The following CDH10 variants were observed in gnomAD, a reference collection of about 807,000 sequenced individuals.
The protein encoded by CDH10 is cadherin 10, also known as cadherin-10.
Under a neutral mutation model 73.1 loss-of-function variants are expected in CDH10, and 30 were observed. That is an observed-to-expected ratio of 0.41 (90% CI 0.31 to 0.56). The LOEUF is 0.56. CDH10 is among the 20% of genes least tolerant of loss of function. CDH10 has a pLI of 0.27. For synonymous variants in CDH10, 345 were observed against 348.2 expected (o/e 0.99, Z 0.10); for missense variants, 815 against 973.7 (o/e 0.84, Z 2.17).
chr5:24,513,842 T>G (rs950160804), intron 5 of CDH10, among the ~76,000 whole-genome samples: 5 of 152,158 alleles, frequency 3.3e-5, no homozygotes, highest in African/African-American at 1.2e-4. Flanking sequence ...GTTCTCTTCC[T>G]TCAGTTGTCT....
chr5:24,586,385 C>T (rs991988907), intron 2 of CDH10, among the ~76,000 whole-genome samples: 1 of 150,134 alleles, frequency 6.7e-6, no homozygotes, highest in Admixed American at 6.6e-5. Flanking sequence ...TGCTGCTCCC[C>T]TCTCAATTTT....
intron 11 of CDH10, 82 bp from the exon 12 acceptor site, chr5:24,488,235 A>C: frequency 8.5e-7 from 1 of 1,176,862 alleles, no homozygotes; most frequent in Non-Finnish European, 1.2e-6. Context: ...AAAGAGTTTA[A>C]GTTACTCAGG....
chr5:24,593,286 C>T lies in CDH10; in HGVS notation c.205G>A (p.Gly69Arg), dbSNP rs2112092284. The change falls in exon 2 of 12, where the codon GGA (glycine) becomes AGA (arginine). Residue 69 changes from glycine to arginine, a missense_variant. Around this residue, in one of 3 missense-constraint regions of CDH10, gnomAD observed 58 missense variants for 96.7 expected, o/e 0.60. Coordinates refer to ENST00000264463, the MANE Select transcript of CDH10 (RefSeq NM_006727.5). ...TTGCCTACGTACTGATAATCAGATC[C>T]TGTATATTCTTCAAGTAAGAAAAAT... ...NQFFLLEEYT[G>R]SDYQYVGKLH... 6.2e-7 allele frequency: 1 copy of T among 1,606,226 alleles called. No individual in the cohort carries two copies. The highest frequency in any genetic ancestry group is 1.1e-5 in the South Asian group (1 of 90,916).
intron 1 of CDH10, among the ~76,000 whole-genome samples, chr5:24,634,145 T>C (rs532369087): frequency 9.2e-5 from 14 of 151,850 alleles, no homozygotes; most frequent in Non-Finnish European, 1.6e-4. Flanking sequence ...ATTTGAAGGA[T>C]TTTGAAAAGA....
chr5:24,598,417 C>T (rs1029294715), intron 1 of CDH10, among the ~76,000 whole-genome samples: 4 of 151,682 alleles, frequency 2.6e-5, no homozygotes, highest in African/African-American at 9.7e-5. Flanking sequence ...TTATGTCGTC[C>T]ATGCAAAGCT....
rs112147354 is a variant in CDH10 at position 24,571,161 on chromosome 5, A to G, written c.231+22099T>C. Among the ~76,000 whole-genome samples the G allele has an allele frequency of 1.2e-3, 190 of 152,288 alleles. 1 individual carries two copies. Among genetic ancestry groups the G allele is most frequent in the African/African-American group, 4.1e-3 (172 of 41,534 alleles). Reference sequence around the variant, plus strand: ...TTTCATGGAATCTCTCACAACCAGCATCTCAGTAATCTGAGGACTGTATAC... The same window carrying G: ...TTTCATGGAATCTCTCACAACCAGCGTCTCAGTAATCTGAGGACTGTATAC... On this transcript the variant is annotated intron_variant, in intron 2 of 11. Coordinates refer to ENST00000264463, the MANE Select transcript of CDH10 (RefSeq NM_006727.5).
In CDH10 at chr5:24,620,450, G is replaced by A. The variant is rs1440426169; in HGVS notation, c.-124+24144C>T. Among the ~76,000 whole-genome samples the A allele has an allele frequency of 2.6e-5, 4 of 152,046 alleles. No individual in the cohort carries two copies. The East Asian group carries it at 7.7e-4, about 29-fold the overall frequency. On this transcript the variant is annotated intron_variant, in intron 1 of 11. Coordinates refer to ENST00000264463, the MANE Select transcript of CDH10 (RefSeq NM_006727.5). ...CTTAATGATTAGTAAATTAAGATAA[G>A]ACCTTGAATAATATATATAAAATGT...
intron 5 of CDH10, 28 bp downstream of exon 5, chr5:24,535,084 G>T (rs749024708): frequency 2.4e-5 from 36 of 1,485,852 alleles, no homozygotes; most frequent in South Asian, 4.2e-5. Context: ...TCTTTTGCCC[G>T]GCAGAATGAC....
At chr5:24,517,255 T>A (rs1008161959) in intron 5 of CDH10, among the ~76,000 whole-genome samples, 3 of 152,176 alleles carry the variant, frequency 2.0e-5, no homozygotes, top group Non-Finnish European at 2.9e-5. Context: ...TGTTTAATCA[T>A]TATTGCTCAA....
chr5:24,533,739 G>T (rs1743833993), intron 5 of CDH10, among the ~76,000 whole-genome samples: 1 of 151,922 alleles, frequency 6.6e-6, no homozygotes, highest in African/African-American at 2.4e-5. Flanking sequence ...CTTTAAACTT[G>T]TTCTAAGAAA....
intron 11 of CDH10, among the ~76,000 whole-genome samples, chr5:24,488,626 C>T (rs1470131185): frequency 6.6e-6 from 1 of 152,092 alleles, no homozygotes; most frequent in Non-Finnish European, 1.5e-5. Context: ...TCATTCACAA[C>T]ATACTGAGTA....
At chr5:24,540,093 A>G (rs1744095077) in intron 2 of CDH10, among the ~76,000 whole-genome samples, 1 of 151,970 alleles carries the variant, frequency 6.6e-6, no homozygotes, top group South Asian at 2.1e-4. Context: ...AATTCCAGTC[A>G]GTTTCTGTGG....
In CDH10 at chr5:24,613,431, T is replaced by C. The variant is rs552514836; in HGVS notation, c.-123-19818A>G. On this transcript the variant is annotated intron_variant, in intron 1 of 11. Transcript: ENST00000264463. ...GTCTTTATTTTCTATGTGTTCTCTT[T>C]CTTTCCTGTGTAATAGTTTTCACAT... Among the ~76,000 whole-genome samples, 10 of 152,028 alleles carry C rather than the reference T, an allele frequency of 6.6e-5. No individual in the cohort carries two copies. The East Asian group carries it at 1.9e-3, about 29-fold the overall frequency.
At chr5:24,518,884 CTTTTTTTTTTTTT>C (rs36019861) in intron 5 of CDH10, among the ~76,000 whole-genome samples, 15 of 77,430 alleles carry the variant, frequency 1.9e-4, no homozygotes, top group Non-Finnish European at 2.8e-4. Flanking sequence ...GACATGTGCA[CTTTTTTTTTTTTT>C]TTTTTTTTTT....
At chr5:24,641,430 G>T (rs2112221947) in intron 1 of CDH10, among the ~76,000 whole-genome samples, 1 of 152,092 alleles carries the variant, frequency 6.6e-6, no homozygotes, top group South Asian at 2.1e-4. Context: ...TCATCCAAAG[G>T]TTTCAACTAG....
intron 2 of CDH10, among the ~76,000 whole-genome samples, chr5:24,584,477 A>G (rs11954581): frequency 3.8e-5 from 3 of 79,962 alleles, no homozygotes; most frequent in African/African-American, 4.9e-5. Flanking sequence ...TGTGTGTGTG[A>G]GAGAGAGAGA....
rs70965605 is a variant in CDH10 at position 24,504,506 on chromosome 5, C to CTTTTTTT, written c.1393+599_1393+605dup. 2.8e-4 allele frequency among the ~76,000 whole-genome samples: 18 copies of CTTTTTTT among 65,160 alleles called. 2 individuals are homozygous for CTTTTTTT. Among genetic ancestry groups the CTTTTTTT allele is most frequent in the Non-Finnish European group, 4.1e-4 (14 of 33,962 alleles). The allele number at this position is 65,160 out of a possible 152,430, so 42.7% of individuals were successfully genotyped here. On this transcript the variant is annotated intron_variant, in intron 8 of 11. Transcript: ENST00000264463. ...TATTAAATGCTTTTCTCCTATTAAT[C>CTTTTTTT]TTTTTTTTTTTTTTTTTTTTTTTTT...
At chr5:24,587,107 G>A (rs1265867467) in intron 2 of CDH10, among the ~76,000 whole-genome samples, 2 of 151,674 alleles carry the variant, frequency 1.3e-5, no homozygotes, top group African/African-American at 2.4e-5. Flanking sequence ...GCCTCCCAAC[G>A]TGCTGGGATT....
At chr5:24,510,163 G>T (rs1364762490) in intron 6 of CDH10, among the ~76,000 whole-genome samples, 1 of 152,156 alleles carries the variant, frequency 6.6e-6, no homozygotes, top group Non-Finnish European at 1.5e-5. Context: ...CACGTGCAAA[G>T]GTGTTAGCTA....
Sources: gnomAD v4.1 joint callset for allele counts (sites outside exome capture counted in the v4.1 genomes callset) on GRCh38, gnomAD v4.1.1 for gene constraint, gnomAD v4.1.1 regional missense constraint, MANE v1.5 for transcripts, NCBI Gene and HGNC (gene_info 2026-07-23, HGNC 2026-07-21) for gene names.